The following IQSEC1 variants were observed in gnomAD, a reference collection of about 807,000 sequenced individuals.
IQSEC1 encodes IQ motif and SEC7 domain-containing protein 1.
In IQSEC1, 31 loss-of-function variants were observed where a neutral mutation model predicts 91.0. The observed-to-expected ratio is 0.34, with a 90% CI of 0.26 to 0.46. IQSEC1 has a LOEUF of 0.46. Ranked by LOEUF, IQSEC1 falls within the 20% of genes least tolerant of loss-of-function variation. IQSEC1 has a pLI of 1.00. For missense variants in IQSEC1, 1,388 were observed against 1,575.6 expected (o/e 0.88, Z 2.02); for synonymous variants, 699 against 662.6 (o/e 1.05, Z -0.84).
chr3:12,954,922 C>T (rs1699804987), intron 1 of IQSEC1, among the ~76,000 whole-genome samples: 1 of 152,242 alleles, frequency 6.6e-6, no homozygotes, highest in African/African-American at 2.4e-5. Context: ...CAAGGCACAG[C>T]TGGCTGGCTG....
chr3:12,943,620 G>A (rs1698957892), intron 1 of IQSEC1, among the ~76,000 whole-genome samples: 1 of 152,164 alleles, frequency 6.6e-6, no homozygotes, highest in Admixed American at 6.5e-5. Flanking sequence ...CCCCCTCCTG[G>A]TGCCTCCTTC....
intron 3 of IQSEC1, among the ~76,000 whole-genome samples, chr3:12,926,527 G>A (rs1164310269): frequency 1.7e-4 from 26 of 152,224 alleles, no homozygotes; most frequent in Admixed American, 1.6e-3. Flanking sequence ...CCAGGGACAC[G>A]TGCTTCCTCA....
At chr3:13,079,907 G>A (rs1434411336) in intron 2 of IQSEC1, among the ~76,000 whole-genome samples, 3 of 152,182 alleles carry the variant, frequency 2.0e-5, no homozygotes, top group Non-Finnish European at 4.4e-5. Flanking sequence ...GAGGGGCAAG[G>A]TTTTTGAGAA....
At chr3:13,169,097 G>T (rs923489062) in intron 1 of IQSEC1, among the ~76,000 whole-genome samples, 2 of 152,188 alleles carry the variant, frequency 1.3e-5, no homozygotes, top group Admixed American at 6.5e-5. Context: ...GATATGGTTT[G>T]GGTGTGTCCC....
At chr3:13,058,723 T>C (rs1704961944) in intron 1 of IQSEC1, among the ~76,000 whole-genome samples, 1 of 152,150 alleles carries the variant, frequency 6.6e-6, no homozygotes, top group Non-Finnish European at 1.5e-5. Flanking sequence ...TCGCCATGCA[T>C]GAGAGGAAGG....
At chr3:13,108,258 G>C (rs909874078) in intron 2 of IQSEC1, among the ~76,000 whole-genome samples, 1 of 152,110 alleles carries the variant, frequency 6.6e-6, no homozygotes, top group Non-Finnish European at 1.5e-5. Context: ...CCACACATGT[G>C]GCTGTAATAT....
chr3:13,109,209 T>C (rs1480104228), intron 2 of IQSEC1, among the ~76,000 whole-genome samples: 1 of 152,134 alleles, frequency 6.6e-6, no homozygotes, highest in Non-Finnish European at 1.5e-5. Flanking sequence ...ATAAGGACGG[T>C]CCACCTGGGG....
At chr3:13,263,553 T>C (rs144115771) in intron 1 of IQSEC1, among the ~76,000 whole-genome samples, 2,061 of 152,048 alleles carry the variant, frequency 0.014, 19 homozygotes, top group South Asian at 0.029. Context: ...AGCGATTCTC[T>C]TGCCTCATCC....
chr3:13,160,557 T>C (rs1707156924), intron 2 of IQSEC1, among the ~76,000 whole-genome samples: 1 of 152,250 alleles, frequency 6.6e-6, no homozygotes, highest in South Asian at 2.1e-4. Context: ...TCACTGATTT[T>C]TCAAGTGCAG....
At chr3:13,147,461 C>G (rs1299934415) in intron 2 of IQSEC1, among the ~76,000 whole-genome samples, 1 of 152,188 alleles carries the variant, frequency 6.6e-6, no homozygotes, top group African/African-American at 2.4e-5. Flanking sequence ...ATTATGGCCT[C>G]CAGCTTCATC....
intron 1 of IQSEC1, among the ~76,000 whole-genome samples, chr3:13,050,647 T>C (rs1704660331): frequency 6.6e-6 from 1 of 152,240 alleles, no homozygotes. Context: ...CTGAGTGCCC[T>C]TGGGCAAGTT....
intron 2 of IQSEC1, among the ~76,000 whole-genome samples, chr3:13,089,112 C>T (rs1043504012): frequency 6.6e-6 from 1 of 152,240 alleles, no homozygotes; most frequent in Non-Finnish European, 1.5e-5. Flanking sequence ...GGCCAGGAGG[C>T]CCCCTTGGGC....
chr3:13,089,042 G>A (rs983157320), intron 2 of IQSEC1, among the ~76,000 whole-genome samples: 1 of 152,230 alleles, frequency 6.6e-6, no homozygotes, highest in Non-Finnish European at 1.5e-5. Flanking sequence ...GTATTGTAAC[G>A]ACAGGTGTGT....
rs1038687501 is a variant in IQSEC1 at position 12,967,308 on chromosome 3, C to T, written c.24-25443G>A. On this transcript the variant is annotated intron_variant, in intron 1 of 13. Coordinates refer to ENST00000613206, the MANE Select transcript of IQSEC1 (RefSeq NM_001134382.3). The surrounding 1 kb of genome is among the most constrained non-coding windows in gnomAD (Gnocchi z 5.9). The stretch of plus-strand genomic sequence containing the variant: ...CGGTCCCGACGGTCACCCGCACTCC[C>T]GCACAGGCATCCCCACAGCCTGCGC... The T allele has an allele frequency of 1.8e-5, 23 of 1,299,614 alleles. No individual in the cohort carries two copies. In the Admixed American group the frequency reaches 5.2e-4, roughly 29 times the overall value. The allele number at this position is 1,299,614 out of a possible 1,614,324, so 80.5% of individuals were successfully genotyped here.
chr3:13,114,766 C>G (rs1706307755), intron 2 of IQSEC1, among the ~76,000 whole-genome samples: 2 of 140,584 alleles, frequency 1.4e-5, no homozygotes, highest in South Asian at 4.5e-4. Flanking sequence ...GCACTCCAGC[C>G]TGGGTGACAG....
chr3:13,114,792 C>CAAA (rs11462232), intron 2 of IQSEC1, among the ~76,000 whole-genome samples: 15 of 90,306 alleles, frequency 1.7e-4, no homozygotes, highest in African/African-American at 4.4e-4. Context: ...GACATCGTCT[C>CAAA]AAAAAAAAAA....
At chr3:13,159,504 T>C (rs998638612) in intron 2 of IQSEC1, among the ~76,000 whole-genome samples, 2 of 152,186 alleles carry the variant, frequency 1.3e-5, no homozygotes, top group Non-Finnish European at 2.9e-5. Flanking sequence ...TGGCAATCTG[T>C]ATTTTCAACA....
intron 2 of IQSEC1, among the ~76,000 whole-genome samples, chr3:13,139,150 C>T (rs1033542087): frequency 6.6e-6 from 1 of 152,192 alleles, no homozygotes; most frequent in South Asian, 2.1e-4. Context: ...CAGCACTTCG[C>T]TAGCCATTTT....
rs1243015470 is a variant in IQSEC1 at position 13,193,309 on chromosome 3, G to C, written c.273-29176C>G. Among the ~76,000 whole-genome samples the C allele has an allele frequency of 2.0e-5, 3 of 152,170 alleles. No homozygotes were observed. The highest frequency in any genetic ancestry group is 2.0e-4 in the Admixed American group (3 of 15,290). ...ATGACTGCGCTTCTGAGCCATTTCCGGCCTGTGGCAATGTCTTTTACATTC... is the reference window on the plus strand; with the variant it reads ...ATGACTGCGCTTCTGAGCCATTTCCCGCCTGTGGCAATGTCTTTTACATTC... On this transcript the variant is annotated intron_variant, in intron 1 of 15. Transcript: ENST00000648114. This position sits in a 1 kb window ranked among gnomAD's most constrained non-coding sequence, Gnocchi z 4.2.
Sources: gnomAD v4.1 joint callset for allele counts (sites outside exome capture counted in the v4.1 genomes callset) on GRCh38, gnomAD v4.1.1 for gene constraint, Gnocchi (gnomAD v3.1) non-coding constraint, MANE v1.5 for transcripts, NCBI Gene and HGNC (gene_info 2026-07-23, HGNC 2026-07-21) for gene names.